SNAP29: variants seen among roughly 807,000 people sequenced by gnomAD.
The protein encoded by SNAP29 is synaptosomal-associated protein 29.
SNAP29 carries 13 observed loss-of-function variants against 27.9 expected under a neutral mutation model. The observed-to-expected ratio is 0.47, with a 90% CI of 0.30 to 0.74. SNAP29 has a LOEUF of 0.74. Among genes scored for constraint, SNAP29 ranks in the 30% least tolerant of loss-of-function variants. The pLI, the probability that SNAP29 is intolerant of heterozygous loss-of-function variation, is 0.06. For missense variants in SNAP29, 368 were observed against 336.5 expected (o/e 1.09, Z -0.73); for synonymous variants, 119 against 127.1 (o/e 0.94, Z 0.43).
In SNAP29 at chr22:20,870,340, C is replaced by G. The variant is rs779688957; in HGVS notation, c.241C>G (p.Leu81Val). The change falls in exon 2 of 5, where the codon CTC (leucine) becomes GTC (valine). Residue 81 changes from leucine (L) to valine (V), a missense_variant. Transcript: ENST00000215730. ...CACTGCCTCTCGGTTTCCCCAGGAG[C>G]TCGCCCGTCAGCGAGGAGTCCTGGA... ...EKVGVASSEE[L>V]ARQRGVLERT... 1 of 1,613,988 alleles carries G rather than the reference C, an allele frequency of 6.2e-7. No individual in the cohort carries two copies. Among genetic ancestry groups the G allele is most frequent in the African/African-American group, 1.3e-5 (1 of 74,924 alleles).
chr22:20,889,503 G>A lies in SNAP29; in HGVS notation c.*1667G>A, dbSNP rs370941828. On this transcript the variant is annotated 3_prime_UTR_variant, in exon 5 of 5. Coordinates refer to ENST00000215730, the MANE Select transcript of SNAP29 (RefSeq NM_004782.4). Reference sequence around the variant, plus strand: ...TATCGAACTAGACATTTGTTTATTAGATGAGCTCGGCATTATTATTTTCTC... The same window carrying A: ...TATCGAACTAGACATTTGTTTATTAAATGAGCTCGGCATTATTATTTTCTC... 1.1e-4 allele frequency: 16 copies of A among 152,304 alleles called. No homozygotes were observed. In the South Asian group the frequency reaches 2.9e-3, roughly 28 times the overall value. The allele number at this position is 152,304 out of a possible 1,614,324, so 9.4% of individuals were successfully genotyped here.
chr22:20,882,443 G>C (rs1238905600), intron 3 of SNAP29, among the ~76,000 whole-genome samples: 1 of 152,068 alleles, frequency 6.6e-6, no homozygotes, highest in Non-Finnish European at 1.5e-5. Context: ...CATTGAAATT[G>C]GTGCTAGAAA....
rs773222364 is a variant in SNAP29, at chr22:20,891,118, G to A, written c.*3282G>A. 1.3e-5 allele frequency: 2 copies of A among 152,160 alleles called. No individual in the cohort carries two copies. Among genetic ancestry groups the A allele is most frequent in the African/African-American group, 2.4e-5 (1 of 41,436 alleles). The allele number at this position is 152,160 out of a possible 1,614,324, so 9.4% of individuals were successfully genotyped here. ...ACATCTAGTAATTTGTAACTTAGAA[G>A]TGGAGTTGCCTTGTGGATGTCTTTT... On this transcript the variant is annotated 3_prime_UTR_variant, in exon 5 of 5. Coordinates refer to ENST00000215730, the MANE Select transcript of SNAP29 (RefSeq NM_004782.4).
intron 2 of SNAP29, among the ~76,000 whole-genome samples, chr22:20,875,549 G>A (rs1270344431): frequency 6.6e-6 from 1 of 152,162 alleles, no homozygotes; most frequent in East Asian, 1.9e-4. Flanking sequence ...CTGACTTTTT[G>A]CAGAAGGTGA....
rs571837189 is a variant in SNAP29, at chr22:20,876,139, C to G, written c.435-4910C>G. Among the ~76,000 whole-genome samples, 71 of 148,042 alleles carry G rather than the reference C, an allele frequency of 4.8e-4. 1 individual carries two copies. The East Asian group carries it at 0.013, about 27-fold the overall frequency. On this transcript the variant is annotated intron_variant, in intron 2 of 4. Coordinates refer to ENST00000215730, the MANE Select transcript of SNAP29 (RefSeq NM_004782.4). Reference sequence around the variant, plus strand: ...TCAAGCCACTGCAGTCCAGCCTGGGCGACAGAGACTCCATCTCAAAAAAAA... The same window carrying G: ...TCAAGCCACTGCAGTCCAGCCTGGGGGACAGAGACTCCATCTCAAAAAAAA...
chr22:20,880,482 G>A (rs1222052989), intron 2 of SNAP29, among the ~76,000 whole-genome samples: 1 of 151,464 alleles, frequency 6.6e-6, no homozygotes, highest in African/African-American at 2.4e-5. Flanking sequence ...CTCCAGCCTG[G>A]GTGACAAAGC....
At position 20,887,775 on chromosome 22, in the gene SNAP29, C is replaced by T; in HGVS notation, c.716C>T (p.Thr239Ile). 1 of 1,614,140 alleles carries T rather than the reference C, an allele frequency of 6.2e-7. No homozygotes were observed. Among genetic ancestry groups the T allele is most frequent in the East Asian group, 2.2e-5 (1 of 44,886 alleles). Residue 239 changes from threonine to isoleucine, a missense_variant, in exon 5 of 5, where the codon ACC becomes ATC. Transcript: ENST00000215730. The stretch of plus-strand genomic sequence containing the variant: ...GATGACATTCTTGACCGGCTGACAA[C>T]CAAAGTGGACAAGTTAGATGTCAAC... Reference protein sequence around the residue: ...EQDDILDRLTTKVDKLDVNIK... With the variant: ...EQDDILDRLTIKVDKLDVNIK...
In SNAP29 at chr22:20,860,349, C is replaced by T. The variant is rs899196511; in HGVS notation, c.237+1002C>T. Reference sequence around the variant, plus strand: ...TCCAGCATGGGCAACAGACCGAGATCCTGGAGGGTCTTTTTCTTTTTCTTT... The same window carrying T: ...TCCAGCATGGGCAACAGACCGAGATTCTGGAGGGTCTTTTTCTTTTTCTTT... On this transcript the variant is annotated intron_variant, in intron 1 of 4. Transcript: ENST00000215730. Among the ~76,000 whole-genome samples, 6 of 148,546 alleles carry T rather than the reference C, an allele frequency of 4.0e-5. No individual in the cohort carries two copies. The Admixed American group carries it at 4.0e-4, about 10-fold the overall frequency.
Position 20,881,063 on chromosome 22 carries a change from TAAGTAC to T in SNAP29, c.455_460del (p.Thr152_Ser153del), listed in dbSNP as rs1167319238. 6.2e-7 allele frequency: 1 copy of T among 1,610,510 alleles called. No individual in the cohort carries two copies. Among genetic ancestry groups the T allele is most frequent in the East Asian group, 2.2e-5 (1 of 44,876 alleles). ...TTTATCCAAAGATTGAAAGAAGCTA[TAAGTAC>T]AAGTAAAGAACAGGAAGCAAAGTAC... On this transcript the variant is annotated inframe_deletion, in exon 3 of 5. Coordinates refer to ENST00000215730, the MANE Select transcript of SNAP29 (RefSeq NM_004782.4).
chr22:20,867,562 GAAACAACTCCT>G, intron 1 of SNAP29, among the ~76,000 whole-genome samples: 1 of 152,144 alleles, frequency 6.6e-6, no homozygotes, highest in African/African-American at 2.4e-5. Context: ...TTTAGCAGAA[GAAACAACTCCT>G]CCCTTGCTGG....
intron 2 of SNAP29, among the ~76,000 whole-genome samples, chr22:20,878,081 C>T (rs372836871): frequency 9.9e-5 from 15 of 152,170 alleles, no homozygotes; most frequent in African/African-American, 9.7e-5. Context: ...CCTTAGCTTG[C>T]GGGAGTCTGG....
intron 4 of SNAP29, among the ~76,000 whole-genome samples, chr22:20,883,826 A>G (rs1352277704): frequency 2.0e-5 from 3 of 152,074 alleles, no homozygotes; most frequent in Non-Finnish European, 4.4e-5. Flanking sequence ...AGTCCCTGAG[A>G]GGCCATAAAG....
intron 2 of SNAP29, among the ~76,000 whole-genome samples, chr22:20,871,408 A>G (rs1416256306): frequency 6.7e-6 from 1 of 149,028 alleles, no homozygotes; most frequent in Non-Finnish European, 1.5e-5. Context: ...GCTTTAGCCC[A>G]GGTGTTAGAG....
chr22:20,882,247 A>G (rs1009066249), intron 3 of SNAP29, among the ~76,000 whole-genome samples: 1 of 151,610 alleles, frequency 6.6e-6, no homozygotes, highest in African/African-American at 2.4e-5. Flanking sequence ...TCACAGCATC[A>G]GTGAGGGACT....
chr22:20,862,018 C>A (rs1928336740), intron 1 of SNAP29, among the ~76,000 whole-genome samples: 1 of 152,216 alleles, frequency 6.6e-6, no homozygotes, highest in Non-Finnish European at 1.5e-5. Flanking sequence ...GATCTGCCCA[C>A]CTCAGCCTCC....
Position 20,883,509 on chromosome 22 carries a change from G to A in SNAP29, c.559G>A (p.Asp187Asn), listed in dbSNP as rs1928938714. The A allele has an allele frequency of 6.2e-7, 1 of 1,613,626 alleles. No individual in the cohort carries two copies. Among genetic ancestry groups the A allele is most frequent in the South Asian group, 1.1e-5 (1 of 91,066 alleles). Residue 187 changes from aspartate to asparagine, a missense_variant, in exon 4 of 5, where the codon GAT becomes AAT. Asp to Asn is a conservative substitution (Grantham distance 23). Coordinates refer to ENST00000215730, the MANE Select transcript of SNAP29 (RefSeq NM_004782.4). ...PRGAGSAMST[D>N]AYPKNPHLRA... ...AGGGGCTGGTTCTGCCATGAGTACT[G>A]ATGCTTACCCAAAGAACCCACACCT...
intron 1 of SNAP29, among the ~76,000 whole-genome samples, chr22:20,866,930 C>T (rs1266068920): frequency 2.0e-5 from 3 of 152,146 alleles, no homozygotes; most frequent in African/African-American, 7.2e-5. Flanking sequence ...TGTTTGTGTG[C>T]ACGCGTGCAG....
chr22:20,875,146 G>C (rs1928709108), intron 2 of SNAP29, among the ~76,000 whole-genome samples: 2 of 152,118 alleles, frequency 1.3e-5, no homozygotes, highest in African/African-American at 4.8e-5. Flanking sequence ...TCCCAGCAAA[G>C]GCTTCCATCA....
chr22:20,870,194 G>A lies in SNAP29; in HGVS notation c.238-143G>A, dbSNP rs143010857. 85 of 725,798 alleles carry A rather than the reference G, an allele frequency of 1.2e-4. 1 individual carries two copies. In the Middle Eastern group the frequency reaches 2.2e-3, roughly 19 times the overall value. The allele number at this position is 725,798 out of a possible 1,614,324, so 45.0% of individuals were successfully genotyped here. On this transcript the variant is annotated intron_variant, in intron 1 of 4. Coordinates refer to ENST00000215730, the MANE Select transcript of SNAP29 (RefSeq NM_004782.4). ...GCAAAGGAATGTGTTGTTGGAAAGG[G>A]TAGTGTGCCCCTCACAGATGACAGT...
Sources: allele counts gnomAD v4.1 joint callset (sites outside exome capture counted in the v4.1 genomes callset), GRCh38; gene constraint gnomAD v4.1.1; transcripts MANE v1.5; gene names NCBI Gene and HGNC (gene_info 2026-07-23, HGNC 2026-07-21).